Variants in EFCAB6 observed in about 807,000 individuals in gnomAD.
EFCAB6 encodes EF-hand calcium binding domain 6.
EFCAB6 carries 156 observed loss-of-function variants against 169.8 expected under a neutral mutation model. That is an observed-to-expected ratio of 0.92 (90% CI 0.81 to 1.05). The LOEUF is 1.05. Ranked by LOEUF, EFCAB6 falls within the 50% of genes least tolerant of loss-of-function variation. EFCAB6 has a pLI of 0.00. For synonymous variants in EFCAB6, 698 were observed against 676.4 expected (o/e 1.03, Z -0.50); for missense variants, 1,800 against 1,829.1 (o/e 0.98, Z 0.29).
Position 43,590,110 on chromosome 22 carries a change from G to C in EFCAB6, c.2996C>G (p.Ser999Cys). Residue 999 changes from serine (S) to cysteine (C), a missense_variant, in exon 24 of 32, where the codon TCT becomes TGT. By Grantham distance (112) the Ser-to-Cys change is moderately radical (BLOSUM62 -1). Coordinates refer to ENST00000262726, the MANE Select transcript of EFCAB6 (RefSeq NM_022785.4). ...ATGGGTCAGCTCCCCTTCGGTAAGA[G>C]AACATCCACATTCTTCCAGCACTTC... is the stretch of plus-strand genomic sequence containing the variant. ...MQEVLEECGC[S>C]LTEGELTHLL... is the part of the protein sequence containing the mutation. 6.2e-7 allele frequency: 1 copy of C among 1,614,118 alleles called. No homozygotes were observed. Among genetic ancestry groups the C allele is most frequent in the Non-Finnish European group, 8.5e-7 (1 of 1,179,994 alleles).
In EFCAB6 at chr22:43,600,251, C is replaced by T; in HGVS notation, c.2694G>A (p.Glu898=). ...CCTGGTAAGTAATGTGCCCTTTTCC[C>T]TCGGTGTCGTATCTTAAAACAAAAA... The part of the protein sequence containing the change: ...FEKLWARYDT[E]GKGHITYQEF... Residue 898 remains glutamate, a synonymous_variant, in exon 23 of 32, where the codon GAG becomes GAA. Transcript: ENST00000262726. 1.2e-6 allele frequency: 2 copies of T among 1,613,934 alleles called. No homozygotes were observed. Among genetic ancestry groups the T allele is most frequent in the Non-Finnish European group, 1.7e-6 (2 of 1,179,972 alleles).
chr22:43,534,591 A>T, intron 30 of EFCAB6, 97 bp downstream of exon 30: 1 of 1,166,486 alleles, frequency 8.6e-7, no homozygotes, highest in Non-Finnish European at 1.2e-6. Context: ...ACTGTTCTCC[A>T]GTCTGGGCAA....
chr22:43,626,458 T>C lies in EFCAB6; in HGVS notation c.2454A>G (p.Gln818=). 1.2e-6 allele frequency: 2 copies of C among 1,614,160 alleles called. No homozygotes were observed. Among genetic ancestry groups the C allele is most frequent in the Non-Finnish European group, 1.7e-6 (2 of 1,180,024 alleles). Residue 818 remains glutamine, a synonymous_variant, in exon 20 of 32, where the codon CAA becomes CAG. Coordinates refer to ENST00000262726, the MANE Select transcript of EFCAB6 (RefSeq NM_022785.4). ...TGCTGCCTTCTTACCTAATGAGTCT[T>C]TGAGGCGCTTCATCTGTTCTCCATG... ...KRPWRTDEAP[Q]RLIRPKQKVA... is the part of the protein sequence containing the mutation.
At chr22:43,593,005 C>T (rs572145415) in intron 23 of EFCAB6, among the ~76,000 whole-genome samples, 1 of 151,646 alleles carries the variant, frequency 6.6e-6, no homozygotes, top group African/African-American at 2.4e-5. Context: ...ATTGTGGTCA[C>T]TTTAATGGAA....
At chr22:43,707,981 A>G (rs954971913) in intron 10 of EFCAB6, among the ~76,000 whole-genome samples, 2 of 152,014 alleles carry the variant, frequency 1.3e-5, no homozygotes, top group Admixed American at 1.3e-4. Context: ...TTTAGACTTT[A>G]TAAGTTTAGA....
intron 10 of EFCAB6, among the ~76,000 whole-genome samples, chr22:43,690,610 C>G (rs1394409592): frequency 6.6e-6 from 1 of 152,054 alleles, no homozygotes; most frequent in Non-Finnish European, 1.5e-5. Context: ...AAACGACACT[C>G]CTTCTGAAAC....
intron 6 of EFCAB6, among the ~76,000 whole-genome samples, chr22:43,748,003 G>A (rs951723849): frequency 6.6e-6 from 1 of 152,206 alleles, no homozygotes. Flanking sequence ...GTGATTTTAA[G>A]TTTCTGGAGG....
rs369844224 is a variant in EFCAB6 at position 43,528,831 on chromosome 22, G to A, written c.*22C>T. 63 of 1,577,600 alleles carry A rather than the reference G, an allele frequency of 4.0e-5. No homozygotes were observed. The highest frequency in any genetic ancestry group is 3.5e-4 in the South Asian group (31 of 88,612). On this transcript the variant is annotated 3_prime_UTR_variant, in exon 32 of 32. Transcript: ENST00000262726. Reference sequence around the variant, plus strand: ...AAACAGGCCCTGTGGCTGTCGTCCCGCTGGGCACACAGCAGGGGTGTCTAC... The same window carrying A: ...AAACAGGCCCTGTGGCTGTCGTCCCACTGGGCACACAGCAGGGGTGTCTAC...
intron 10 of EFCAB6, among the ~76,000 whole-genome samples, chr22:43,695,955 T>G (rs5764220): frequency 0.47 from 71,244 of 151,792 alleles, 17,212 homozygotes; most frequent in African/African-American, 0.55. Flanking sequence ...CATAAAATTT[T>G]GTAAATGGAC....
rs117477406 is a variant in EFCAB6 at position 43,557,438 on chromosome 22, T to A, written c.3421-2342A>T. On this transcript the variant is annotated intron_variant, in intron 26 of 31. Transcript: ENST00000262726. The stretch of plus-strand genomic sequence containing the variant: ...ATTTAATTGAATTAGCAAATAAAGA[T>A]TCAATTTAAATTGAATTAGAAAAGA... Among the ~76,000 whole-genome samples, 1,087 of 152,322 alleles carry A rather than the reference T, an allele frequency of 7.1e-3. 13 individuals are homozygous for A. The highest frequency in any genetic ancestry group is 0.011 in the Non-Finnish European group (744 of 68,030).
At chr22:43,716,323 A>G (rs1368200957) in intron 9 of EFCAB6, among the ~76,000 whole-genome samples, 1 of 152,292 alleles carries the variant, frequency 6.6e-6, no homozygotes, top group East Asian at 1.9e-4. Context: ...GTTCACATAT[A>G]AAGAGTGGTT....
chr22:43,746,826 C>T (rs1603312077), intron 6 of EFCAB6, among the ~76,000 whole-genome samples: 1 of 152,314 alleles, frequency 6.6e-6, no homozygotes, highest in East Asian at 1.9e-4. Flanking sequence ...CTTTCTTACC[C>T]AGCCCACACT....
At chr22:43,736,203 G>C (rs377134838) in intron 6 of EFCAB6, among the ~76,000 whole-genome samples, 3 of 152,170 alleles carry the variant, frequency 2.0e-5, no homozygotes, top group African/African-American at 7.2e-5. Flanking sequence ...CTCTGTAAAT[G>C]GTCTTAGTAA....
chr22:43,757,268 C>G lies in EFCAB6; in HGVS notation c.441-1436G>C, dbSNP rs531976723. 2.0e-5 allele frequency among the ~76,000 whole-genome samples: 3 copies of G among 152,280 alleles called. No individual in the cohort carries two copies. The South Asian group carries it at 6.2e-4, about 32-fold the overall frequency. ...AAATGTTTAGGAATTAAAGAATAAG[C>G]CAAGCATGGTGGCTCACGCCTGTAA... On this transcript the variant is annotated intron_variant, in intron 5 of 31. Transcript: ENST00000262726.
intron 8 of EFCAB6, among the ~76,000 whole-genome samples, chr22:43,730,854 T>C (rs1284120691): frequency 1.3e-5 from 2 of 152,162 alleles, no homozygotes; most frequent in African/African-American, 2.4e-5. Context: ...GCTTGGTTAG[T>C]GGAACCAGGC....
intron 10 of EFCAB6, among the ~76,000 whole-genome samples, chr22:43,697,438 T>C (rs1267059160): frequency 6.6e-6 from 1 of 152,178 alleles, no homozygotes; most frequent in Non-Finnish European, 1.5e-5. Context: ...ACAAAAGAAA[T>C]TCTGGAAGGA....
At chr22:43,635,429 A>C (rs1344512897) in intron 17 of EFCAB6, among the ~76,000 whole-genome samples, 1 of 152,144 alleles carries the variant, frequency 6.6e-6, no homozygotes, top group Non-Finnish European at 1.5e-5. Flanking sequence ...GAGTGAACGA[A>C]GGGACAAGTG....
chr22:43,660,078 C>T (rs937108488), intron 17 of EFCAB6, among the ~76,000 whole-genome samples: 2 of 152,164 alleles, frequency 1.3e-5, no homozygotes, highest in African/African-American at 4.8e-5. Context: ...CAACAGTGAG[C>T]TGAACAATGT....
intron 6 of EFCAB6, among the ~76,000 whole-genome samples, chr22:43,745,466 A>C (rs2147782466): frequency 6.6e-6 from 1 of 152,218 alleles, no homozygotes; most frequent in East Asian, 1.9e-4. Context: ...CCTCACCCGG[A>C]GCCACTTTTT....
Sources: allele counts gnomAD v4.1 joint callset (sites outside exome capture counted in the v4.1 genomes callset), GRCh38; gene constraint gnomAD v4.1.1; transcripts MANE v1.5; gene names NCBI Gene and HGNC (gene_info 2026-07-23, HGNC 2026-07-21).